POU2AF3: variants seen among roughly 807,000 people sequenced by gnomAD.
The protein encoded by POU2AF3 is POU class 2 homeobox associating factor 3.
the POU2AF3 span, chr11:111,300,398 A>T: frequency 2.6e-6 from 1 of 380,570 alleles, no homozygotes; most frequent in African/African-American, 2.1e-5. Context: ...ATCCTTTGAC[A>T]TTTTTTGTGT....
the POU2AF3 span, among the ~76,000 whole-genome samples, chr11:111,302,295 G>C: frequency 6.6e-6 from 1 of 152,196 alleles, no homozygotes; most frequent in Admixed American, 6.5e-5. Context: ...GAGTCTGATA[G>C]CCTCAACCCC....
At chr11:111,300,533 C>T in the POU2AF3 span, 7 of 1,230,996 alleles carry the variant, frequency 5.7e-6, no homozygotes, top group African/African-American at 1.6e-5. Flanking sequence ...CCAGAAAAAC[C>T]GAAGGTGTAT....
the POU2AF3 span, among the ~76,000 whole-genome samples, chr11:111,300,871 A>G: frequency 1.3e-5 from 2 of 152,254 alleles, no homozygotes; most frequent in African/African-American, 4.8e-5. Context: ...AGTAAAGTAT[A>G]AAAAGTGCGT....
chr11:111,301,918 G>A, the POU2AF3 span, among the ~76,000 whole-genome samples: 1 of 152,194 alleles, frequency 6.6e-6, no homozygotes, highest in African/African-American at 2.4e-5. Flanking sequence ...AGAGTTTAGA[G>A]TTCAGATGCG....
the POU2AF3 span, chr11:111,299,418 G>A: frequency 9.8e-7 from 1 of 1,018,592 alleles, no homozygotes; most frequent in Non-Finnish European, 1.2e-6. Flanking sequence ...GCTCGGCTTG[G>A]CCTAACAGCC....
At chr11:111,299,750 G>C in the POU2AF3 span, 5 of 1,226,764 alleles carry the variant, frequency 4.1e-6, no homozygotes, top group Non-Finnish European at 5.1e-6. Flanking sequence ...AAGAAGGGGA[G>C]AGTAGGAGCG....
the POU2AF3 span, among the ~76,000 whole-genome samples, chr11:111,304,629 C>T: frequency 0.011 from 1,670 of 152,202 alleles, 32 homozygotes; most frequent in African/African-American, 0.038. Context: ...GGATTATAAA[C>T]GTCAAAAGGC....
chr11:111,300,699 A>G, the POU2AF3 span: 21 of 716,934 alleles, frequency 2.9e-5, no homozygotes, highest in Admixed American at 4.4e-5. Flanking sequence ...TGTGGAGGCC[A>G]CTCAAGGCCC....
chr11:111,304,794 G>A, the POU2AF3 span: 76 of 449,718 alleles, frequency 1.7e-4, no homozygotes, highest in South Asian at 2.4e-3. Flanking sequence ...AAAAAAGAAA[G>A]CAACTTTTTC....
chr11:111,299,738 G>C, the POU2AF3 span: 1 of 1,229,936 alleles, frequency 8.1e-7, no homozygotes, highest in African/African-American at 1.6e-5. Context: ...GGGAGAGAGG[G>C]GAAGAAGGGG....
the POU2AF3 span, among the ~76,000 whole-genome samples, chr11:111,301,497 G>A: frequency 1.0e-5 from 1 of 98,044 alleles, no homozygotes; most frequent in Non-Finnish European, 2.2e-5. Context: ...CAGTTTTTGT[G>A]CCTGATGCTG....
At chr11:111,303,126 C>T in the POU2AF3 span, among the ~76,000 whole-genome samples, 1 of 152,156 alleles carries the variant, frequency 6.6e-6, no homozygotes, top group Non-Finnish European at 1.5e-5. Context: ...GACAGACATT[C>T]AGTAAAGAAT....
the POU2AF3 span, among the ~76,000 whole-genome samples, chr11:111,307,416 G>T: frequency 1.2e-3 from 188 of 152,184 alleles, 1 homozygote; most frequent in African/African-American, 4.3e-3. Context: ...ATTTTAGAGC[G>T]GATGGGAAAT....
the POU2AF3 span, chr11:111,298,858 G>A: frequency 1.5e-6 from 1 of 681,374 alleles, no homozygotes; most frequent in East Asian, 4.0e-5. Flanking sequence ...ATCCACTGTT[G>A]TGTCCTGAGA....
At chr11:111,298,826 G>GGGGGGGCCC in the POU2AF3 span, 3 of 790,962 alleles carry the variant, frequency 3.8e-6, no homozygotes, top group Non-Finnish European at 5.1e-6. Context: ...CGTACCCCAG[G>GGGGGGGCCC]CCCCCGCCCG....
the POU2AF3 span, among the ~76,000 whole-genome samples, chr11:111,301,428 G>T: frequency 2.6e-5 from 4 of 152,170 alleles, no homozygotes; most frequent in Non-Finnish European, 5.9e-5. Context: ...GACAGCTGGG[G>T]CTCATATTGC....
At chr11:111,308,211 A>G in the POU2AF3 span, 1 of 1,551,662 alleles carries the variant, frequency 6.4e-7, no homozygotes, top group African/African-American at 1.4e-5. Flanking sequence ...TACCCCCCAG[A>G]AGACCATTCC....
At chr11:111,299,838 A>G in the POU2AF3 span, 2 of 775,548 alleles carry the variant, frequency 2.6e-6, no homozygotes, top group Non-Finnish European at 3.5e-6. Flanking sequence ...GGCAGAAGGC[A>G]AAGACAGAAG....
chr11:111,301,517 AATG>A, the POU2AF3 span, among the ~76,000 whole-genome samples: 1 of 13,688 alleles, frequency 7.3e-5, no homozygotes, highest in Non-Finnish European at 1.8e-4. Flanking sequence ...GTTCATGTGC[AATG>A]TGTGACTTCA....
Sources: allele counts gnomAD v4.1 joint callset (sites outside exome capture counted in the v4.1 genomes callset), GRCh38; gene constraint gnomAD v4.1.1; transcripts MANE v1.5; gene names NCBI Gene and HGNC (gene_info 2026-07-23, HGNC 2026-07-21).